The following TMEM178B variants were observed in gnomAD, a reference collection of about 807,000 sequenced individuals.
The protein encoded by TMEM178B is transmembrane protein 178B.
A neutral mutation model predicts 31.0 loss-of-function variants in TMEM178B; 5 were observed. That is an observed-to-expected ratio of 0.16 (90% CI 0.08 to 0.34). TMEM178B has a LOEUF of 0.34. TMEM178B is among the 10% of genes least tolerant of loss of function. The pLI, the probability that TMEM178B is intolerant of heterozygous loss-of-function variation, is 1.00. For synonymous variants in TMEM178B, 164 were observed against 164.0 expected (o/e 1.00, Z 0.00); for missense variants, 275 against 400.3 (o/e 0.69, Z 2.67).
chr7:141,295,870 C>T (rs1021524129), intron 2 of TMEM178B, among the ~76,000 whole-genome samples: 12 of 152,036 alleles, frequency 7.9e-5, no homozygotes, highest in Non-Finnish European at 1.6e-4. Context: ...AATCTGAAGA[C>T]GGCCCAGCCA....
In TMEM178B at chr7:141,477,006, A is replaced by C. The variant is rs566103893; in HGVS notation, c.*6220A>C. On this transcript the variant is annotated 3_prime_UTR_variant, in exon 4 of 4. Coordinates refer to ENST00000565468, the MANE Select transcript of TMEM178B (RefSeq NM_001195278.2). ...TCAGCAAATGCAACTCCTACACTTC[A>C]TTCCCAAGGACCAGGTGTTGCTCCT... The C allele has an allele frequency of 2.6e-5, 4 of 154,942 alleles. No individual in the cohort carries two copies. Among genetic ancestry groups the C allele is most frequent in the African/African-American group, 9.6e-5 (4 of 41,632 alleles). The allele number at this position is 154,942 out of a possible 1,614,324, so 9.6% of individuals were successfully genotyped here.
intron 1 of TMEM178B, among the ~76,000 whole-genome samples, chr7:141,078,147 A>T (rs982643547): frequency 1.2e-4 from 19 of 152,152 alleles, no homozygotes; most frequent in African/African-American, 4.6e-4. Context: ...AAGTGACTGC[A>T]GGCACTGGGG....
chr7:141,249,094 C>T (rs1161953888), intron 2 of TMEM178B, among the ~76,000 whole-genome samples: 1 of 152,162 alleles, frequency 6.6e-6, no homozygotes, highest in Non-Finnish European at 1.5e-5. Context: ...GGAAGAGTGA[C>T]TGATATGGTT....
intron 2 of TMEM178B, among the ~76,000 whole-genome samples, chr7:141,288,735 C>T (rs1049789504): frequency 6.6e-6 from 1 of 152,212 alleles, no homozygotes; most frequent in Non-Finnish European, 1.5e-5. Flanking sequence ...CGTTCCCACA[C>T]AGGCAGCGAA....
At chr7:141,338,500 C>T (rs1053252877) in intron 2 of TMEM178B, among the ~76,000 whole-genome samples, 6 of 152,122 alleles carry the variant, frequency 3.9e-5, no homozygotes, top group Admixed American at 3.9e-4. Flanking sequence ...AGAGTGCCTG[C>T]CCTCTATTTG....
At chr7:141,321,877 A>AT (rs1386338805) in intron 2 of TMEM178B, among the ~76,000 whole-genome samples, 1 of 151,840 alleles carries the variant, frequency 6.6e-6, no homozygotes, top group Non-Finnish European at 1.5e-5. Context: ...ATGAAGGAAG[A>AT]TGCTACAGGA....
intron 3 of TMEM178B, among the ~76,000 whole-genome samples, chr7:141,448,126 T>C (rs573957713): frequency 4.4e-4 from 67 of 152,138 alleles, no homozygotes; most frequent in African/African-American, 1.3e-3. Flanking sequence ...ACACAAAGCA[T>C]GTGTGCCTCT....
At chr7:141,258,804 CT>C (rs570236360) in intron 2 of TMEM178B, among the ~76,000 whole-genome samples, 17 of 152,196 alleles carry the variant, frequency 1.1e-4, no homozygotes, top group Non-Finnish European at 2.1e-4. Context: ...TTCTGGCCTA[CT>C]GTTTCTGATA....
At chr7:141,236,273 G>C (rs1797525438) in intron 2 of TMEM178B, among the ~76,000 whole-genome samples, 1 of 152,212 alleles carries the variant, frequency 6.6e-6, no homozygotes, top group Non-Finnish European at 1.5e-5. Context: ...AATTTGAGAA[G>C]TTACAGAGAT....
In TMEM178B at chr7:141,369,353, GTGTGTA is replaced by G. The variant is rs1233820724; in HGVS notation, c.497-68249_497-68244del. Among the ~76,000 whole-genome samples, 429 of 145,948 alleles carry G rather than the reference GTGTGTA, an allele frequency of 2.9e-3. 2 individuals carry two copies. Among genetic ancestry groups the G allele is most frequent in the East Asian group, 8.8e-3 (44 of 5,028 alleles). On this transcript the variant is annotated intron_variant, in intron 2 of 3. Coordinates refer to ENST00000565468, the MANE Select transcript of TMEM178B (RefSeq NM_001195278.2). ...TGTGTGTGTGTGTGTGTGTGTGTGT[GTGTGTA>G]TGTGTGTGTGTTTATGTAGAGGAGA...
chr7:141,097,741 C>A (rs993961328), intron 1 of TMEM178B, among the ~76,000 whole-genome samples: 3 of 151,650 alleles, frequency 2.0e-5, no homozygotes, highest in Non-Finnish European at 2.9e-5. Context: ...ACTTATTTTT[C>A]TCCTTCAACA....
rs574875205 is a variant in TMEM178B, at chr7:141,337,873, T to C, written c.497-99735T>C. On this transcript the variant is annotated intron_variant, in intron 2 of 3. Transcript: ENST00000565468. ...TTTTTTTTGAGACGGAGTCTCGCTC[T>C]GTCACCCAAGCTGGAGTGCAGTGAC... is the stretch of plus-strand genomic sequence containing the variant. 5.3e-4 allele frequency among the ~76,000 whole-genome samples: 80 copies of C among 152,284 alleles called. No individual in the cohort carries two copies. In the South Asian group the frequency reaches 0.016, roughly 31 times the overall value.
intron 1 of TMEM178B, among the ~76,000 whole-genome samples, chr7:141,091,789 G>A (rs1367627552): frequency 1.3e-5 from 2 of 152,170 alleles, no homozygotes; most frequent in Non-Finnish European, 2.9e-5. Context: ...GTGCAGCAGC[G>A]TGATCTCGGC....
At chr7:141,127,490 GAC>G (rs1484808178) in intron 1 of TMEM178B, among the ~76,000 whole-genome samples, 1 of 152,186 alleles carries the variant, frequency 6.6e-6, no homozygotes, top group African/African-American at 2.4e-5. Context: ...GAAGTACAGA[GAC>G]ACACAGAGGG....
intron 2 of TMEM178B, among the ~76,000 whole-genome samples, chr7:141,306,204 A>C (rs217034): frequency 0.7 from 106,990 of 152,058 alleles, 38,021 homozygotes; most frequent in East Asian, 0.88. Context: ...AAACCCAATC[A>C]AATCAGAAAG....
chr7:141,387,255 A>G (rs1800448381), intron 2 of TMEM178B, among the ~76,000 whole-genome samples: 1 of 152,218 alleles, frequency 6.6e-6, no homozygotes, highest in South Asian at 2.1e-4. Context: ...TTGAGCATGT[A>G]CTATGTGTCA....
chr7:141,190,421 C>T (rs1267300738), intron 1 of TMEM178B, among the ~76,000 whole-genome samples: 3 of 151,966 alleles, frequency 2.0e-5, no homozygotes, highest in Non-Finnish European at 4.4e-5. Context: ...TCAAGAAATC[C>T]CCATGCTTCA....
At chr7:141,273,943 A>G (rs1001035634) in intron 2 of TMEM178B, among the ~76,000 whole-genome samples, 1 of 152,208 alleles carries the variant, frequency 6.6e-6, no homozygotes, top group African/African-American at 2.4e-5. Context: ...TTTCTTCCTC[A>G]CTGAGCCCCA....
At chr7:141,201,154 G>A (rs897635114) in intron 1 of TMEM178B, among the ~76,000 whole-genome samples, 5 of 152,304 alleles carry the variant, frequency 3.3e-5, no homozygotes, top group Admixed American at 1.3e-4. Flanking sequence ...AGGAAACCAC[G>A]TCGGCGCCAT....
Sources: allele counts gnomAD v4.1 joint callset (sites outside exome capture counted in the v4.1 genomes callset), GRCh38; gene constraint gnomAD v4.1.1; transcripts MANE v1.5; gene names NCBI Gene and HGNC (gene_info 2026-07-23, HGNC 2026-07-21).